The following PARD3B variants were observed in gnomAD, a reference collection of about 807,000 sequenced individuals.
The protein encoded by PARD3B is par-3 family cell polarity regulator beta, also known as partitioning defective 3 homolog B.
PARD3B carries 103 observed loss-of-function variants against 130.2 expected under a neutral mutation model. The ratio of observed to expected loss-of-function variants is 0.79; its 90% CI spans 0.67 to 0.93. The LOEUF (loss-of-function observed/expected upper bound fraction) is 0.93, where lower values mean the gene tolerates loss of function less well. Among genes scored for constraint, PARD3B ranks in the 40% least tolerant of loss-of-function variants. The pLI is 0.00. For missense variants in PARD3B, 1,609 were observed against 1,499.2 expected, an observed-to-expected ratio of 1.07 and a Z score of -1.21; for synonymous variants, 583 against 553.2, an observed-to-expected ratio of 1.05 and a Z score of -0.76.
At chr2:205,450,660 G>A (rs1199747842) in intron 20 of PARD3B, among the ~76,000 whole-genome samples, 1 of 151,816 alleles carries the variant, frequency 6.6e-6, no homozygotes, top group Admixed American at 6.6e-5. Flanking sequence ...ATTTTTAGCA[G>A]AGACAGGGTT....
At chr2:205,601,993 T>C (rs1190160524) in intron 22 of PARD3B, among the ~76,000 whole-genome samples, 2 of 152,240 alleles carry the variant, frequency 1.3e-5, no homozygotes, top group African/African-American at 4.8e-5. Flanking sequence ...CCCCATTCAG[T>C]ATGATATTGG....
At chr2:205,376,262 A>G (rs545585902) in intron 18 of PARD3B, among the ~76,000 whole-genome samples, 2 of 152,208 alleles carry the variant, frequency 1.3e-5, no homozygotes, top group Non-Finnish European at 2.9e-5. Flanking sequence ...AAGCAGGCAG[A>G]GTCCACAAGC....
intron 4 of PARD3B, among the ~76,000 whole-genome samples, chr2:205,104,219 A>G (rs1256303716): frequency 6.6e-6 from 1 of 151,790 alleles, no homozygotes; most frequent in East Asian, 1.9e-4. Context: ...TAGATGACCC[A>G]TTTGAGCATT....
intron 16 of PARD3B, among the ~76,000 whole-genome samples, chr2:205,248,414 T>TGGTGGTGGTGGTGGTGGTGGC (rs1467840572): frequency 3.4e-5 from 5 of 148,202 alleles, no homozygotes; most frequent in African/African-American, 1.0e-4. Context: ...GTGGTGGTGG[T>TGGTGGTGGTGGTGGTGGTGGC]GGCGGCAGCA....
intron 1 of PARD3B, among the ~76,000 whole-genome samples, chr2:204,605,950 G>T (rs749780335): frequency 1.6e-4 from 24 of 152,064 alleles, no homozygotes; most frequent in Non-Finnish European, 2.9e-4. Flanking sequence ...TGTCTTCTGT[G>T]CTGTCTGCCT....
At position 205,090,216 on chromosome 2, in the gene PARD3B, G is replaced by T. The variant is rs562996760; in HGVS notation, c.505-14210G>T. On this transcript the variant is annotated intron_variant, in intron 4 of 22. Transcript: ENST00000406610. Reference sequence around the variant, plus strand: ...ATATGGCGGAGTGATTGGGCATAGTGCTGTGGGAGAAACCTTAATGTAACT... The same window carrying T: ...ATATGGCGGAGTGATTGGGCATAGTTCTGTGGGAGAAACCTTAATGTAACT... 5.3e-5 allele frequency among the ~76,000 whole-genome samples: 8 copies of T among 152,304 alleles called. No homozygotes were observed. The South Asian group carries it at 1.2e-3, about 24-fold the overall frequency.
intron 22 of PARD3B, among the ~76,000 whole-genome samples, chr2:205,557,665 GA>G (rs2052952304): frequency 6.6e-6 from 1 of 152,158 alleles, no homozygotes; most frequent in Admixed American, 6.5e-5. Flanking sequence ...GTGCCGGTAT[GA>G]GTATTAAATA....
chr2:204,614,178 T>C (rs1213677641), intron 1 of PARD3B, among the ~76,000 whole-genome samples: 1 of 152,064 alleles, frequency 6.6e-6, no homozygotes, highest in Non-Finnish European at 1.5e-5. Flanking sequence ...ATAATGCAAA[T>C]CAAAAATACA....
At chr2:204,658,573 G>A (rs1196240277) in intron 1 of PARD3B, among the ~76,000 whole-genome samples, 1 of 152,096 alleles carries the variant, frequency 6.6e-6, no homozygotes, top group Non-Finnish European at 1.5e-5. Context: ...GCTGAGGAAT[G>A]ACCGAAGGCA....
At chr2:204,979,437 T>C (rs914366614) in intron 3 of PARD3B, among the ~76,000 whole-genome samples, 2 of 152,178 alleles carry the variant, frequency 1.3e-5, no homozygotes, top group Non-Finnish European at 2.9e-5. Context: ...GAAAGACCCA[T>C]ATATTGGCAG....
rs983328955 is a variant in PARD3B at position 205,158,264 on chromosome 2, C to T, written c.1435-458C>T. 7.9e-5 allele frequency among the ~76,000 whole-genome samples: 12 copies of T among 151,962 alleles called. 1 individual carries two copies. The highest frequency in any genetic ancestry group is 1.8e-4 in the Non-Finnish European group (12 of 68,004). ...AATGATATGTTTTAAATTATATATGCCCCATATTTTCCTGAAATTTTAAGA... is the reference window on the plus strand; with the variant it reads ...AATGATATGTTTTAAATTATATATGTCCCATATTTTCCTGAAATTTTAAGA... On this transcript the variant is annotated intron_variant, in intron 10 of 22. Coordinates refer to ENST00000406610, the MANE Select transcript of PARD3B (RefSeq NM_001302769.2). This position sits in a 1 kb window ranked among gnomAD's most constrained non-coding sequence, Gnocchi z 5.4.
intron 5 of PARD3B, among the ~76,000 whole-genome samples, chr2:205,112,390 A>T (rs1178893854): frequency 6.6e-6 from 1 of 152,158 alleles, no homozygotes; most frequent in African/African-American, 2.4e-5. Flanking sequence ...TACTTCGTGC[A>T]GAGTGAATTC....
intron 2 of PARD3B, among the ~76,000 whole-genome samples, chr2:204,919,757 A>G (rs13005428): frequency 0.031 from 4,690 of 152,254 alleles, 109 homozygotes; most frequent in Non-Finnish European, 0.05. Flanking sequence ...CTTCCCCTTC[A>G]AAACAGTCTT....
At chr2:205,215,078 T>C (rs2125857300) in intron 15 of PARD3B, among the ~76,000 whole-genome samples, 1 of 152,216 alleles carries the variant, frequency 6.6e-6, no homozygotes, top group Admixed American at 6.5e-5. Context: ...TTGTTTAATA[T>C]GTTATTACCA....
At chr2:204,995,144 G>T (rs1694047764) in intron 3 of PARD3B, among the ~76,000 whole-genome samples, 1 of 152,068 alleles carries the variant, frequency 6.6e-6, no homozygotes, top group African/African-American at 2.4e-5. Context: ...TGGTGATTTT[G>T]CTCATTAGTT....
chr2:205,145,216 T>C (rs1055746184), intron 10 of PARD3B, among the ~76,000 whole-genome samples: 1 of 151,952 alleles, frequency 6.6e-6, no homozygotes, highest in Admixed American at 6.5e-5. Context: ...ACTCTACTGG[T>C]TTAAGATTAT....
chr2:204,762,359 A>G (rs2040941900), intron 2 of PARD3B, among the ~76,000 whole-genome samples: 1 of 151,874 alleles, frequency 6.6e-6, no homozygotes, highest in Admixed American at 6.6e-5. Flanking sequence ...TGATCTGTCC[A>G]CCAATCCACC....
intron 21 of PARD3B, among the ~76,000 whole-genome samples, chr2:205,523,825 T>G (rs1397922769): frequency 2.0e-5 from 3 of 151,174 alleles, no homozygotes; most frequent in African/African-American, 7.3e-5. Flanking sequence ...CTTTTTTTTT[T>G]TTTTTTTTTG....
chr2:205,127,432 C>G (rs914943198), intron 10 of PARD3B, among the ~76,000 whole-genome samples: 3 of 151,786 alleles, frequency 2.0e-5, no homozygotes, highest in Non-Finnish European at 4.4e-5. Flanking sequence ...TAAGAATTGA[C>G]AAAGGCACAT....
Sources: allele counts gnomAD v4.1 joint callset (sites outside exome capture counted in the v4.1 genomes callset), GRCh38; gene constraint gnomAD v4.1.1; non-coding constraint Gnocchi (gnomAD v3.1); transcripts MANE v1.5; gene names NCBI Gene and HGNC (gene_info 2026-07-23, HGNC 2026-07-21).